PARP1: variants seen among roughly 807,000 people sequenced by gnomAD.
The protein encoded by PARP1 is poly(ADP-ribose) polymerase 1.
Under a neutral mutation model 118.7 loss-of-function variants are expected in PARP1, and 44 were observed. The observed-to-expected ratio is 0.37, with a 90% confidence interval of 0.29 to 0.48. PARP1 has a LOEUF of 0.48. Ranked by LOEUF, PARP1 falls within the 20% of genes least tolerant of loss-of-function variation. PARP1 has a pLI of 0.99. For missense variants in PARP1, 1,100 were observed against 1,272.4 expected (o/e 0.86, Z 2.06); for synonymous variants, 492 against 483.2 (o/e 1.02, Z -0.24).
chr1:226,386,164 ATGG>A (rs1463242339), intron 6 of PARP1, among the ~76,000 whole-genome samples, 159 bp downstream of exon 6: 1 of 152,188 alleles, frequency 6.6e-6, no homozygotes, highest in East Asian at 1.9e-4. Context: ...GGTGACCACG[ATGG>A]TGGTGATGAC....
intron 7 of PARP1, 136 bp downstream of exon 7, chr1:226,385,368 A>G (rs1267233423): frequency 1.3e-6 from 1 of 754,848 alleles, no homozygotes; most frequent in Middle Eastern, 3.6e-4. Context: ...ATATTCTGGT[A>G]AACAGGATGA....
chr1:226,361,314 T>G lies in PARP1; in HGVS notation c.*146A>C. On this transcript the variant is annotated 3_prime_UTR_variant, in exon 23 of 23. Transcript: ENST00000366794. ...GGACTTGAGAAGTTAGAGAAAACCT[T>G]TAACACGTTTCTGTAAAATCCTTTC... 1 of 707,478 alleles carries G rather than the reference T, an allele frequency of 1.4e-6. No homozygotes were observed. Among genetic ancestry groups the G allele is most frequent in the Non-Finnish European group, 2.6e-6 (1 of 379,836 alleles). 43.8% of individuals were successfully genotyped at this position (707,478 alleles called of 1,614,324 possible).
chr1:226,377,185 T>C lies in PARP1; in HGVS notation c.1864A>G (p.Thr622Ala). ...TTTTTGGAGTGCCAAGCGTTCCCGG[T>C]TTTTTCTTCATATAATTTCATGAAG... ...EHFMKLYEEK[T>A]GNAWHSKNFT... The change falls in exon 13 of 23, where the codon ACC becomes GCC. Residue 622 changes from threonine (T) to alanine (A), a missense_variant. Transcript: ENST00000366794. 1.2e-6 allele frequency: 2 copies of C among 1,614,048 alleles called. No individual in the cohort carries two copies. Among genetic ancestry groups the C allele is most frequent in the South Asian group, 2.2e-5 (2 of 91,072 alleles).
chr1:226,386,542 T>C (rs1664721608), intron 5 of PARP1, 100 bp from the exon 6 acceptor site: 3 of 828,198 alleles, frequency 3.6e-6, no homozygotes, highest in Admixed American at 3.4e-5. Flanking sequence ...GTTATACCCT[T>C]GTGCACCAGC....
intron 22 of PARP1, 80 bp downstream of exon 22, chr1:226,361,889 G>A: frequency 1.2e-6 from 1 of 863,724 alleles, no homozygotes; most frequent in African/African-American, 1.6e-5. Flanking sequence ...GTCTGCCCCA[G>A]GTAATCTGAC....
At chr1:226,367,677 G>T in intron 16 of PARP1, 69 bp from the exon 17 acceptor site, 2 of 1,584,902 alleles carry the variant, frequency 1.3e-6, no homozygotes, top group East Asian at 2.2e-5. Context: ...CCAGGTGGCA[G>T]AGAAAACCTA....
intron 13 of PARP1, among the ~76,000 whole-genome samples, chr1:226,376,295 G>A (rs1328090871): frequency 1.3e-5 from 2 of 152,090 alleles, no homozygotes; most frequent in African/African-American, 4.8e-5. Context: ...ATTTTGCAAA[G>A]AAAAAAGACA....
chr1:226,388,392 A>G (rs1664753968), intron 5 of PARP1, among the ~76,000 whole-genome samples: 1 of 152,230 alleles, frequency 6.6e-6, no homozygotes. Flanking sequence ...GAGGCTGGTG[A>G]GCGGAAACAG....
At chr1:226,375,978 G>A (rs1195366007) in intron 13 of PARP1, among the ~76,000 whole-genome samples, 2 of 152,122 alleles carry the variant, frequency 1.3e-5, no homozygotes, top group Non-Finnish European at 2.9e-5. Flanking sequence ...TTGTGCCTTA[G>A]TATTAATATT....
intron 1 of PARP1, 110 bp from the exon 2 acceptor site, chr1:226,402,489 G>A: frequency 9.6e-7 from 1 of 1,037,352 alleles, no homozygotes; most frequent in South Asian, 1.4e-5. Flanking sequence ...CAGTGGGATA[G>A]CACATGAAAC....
In PARP1 at chr1:226,400,916, T is replaced by C. The variant is rs3754371; in HGVS notation, c.286+1298A>G. On this transcript the variant is annotated intron_variant, in intron 2 of 22. Transcript: ENST00000366794. Reference sequence around the variant, plus strand: ...GAGGGCATCCTGCATGACCAAGCCATTGGCTGTTTCTCATGAAGCCATGGC... The same window carrying C: ...GAGGGCATCCTGCATGACCAAGCCACTGGCTGTTTCTCATGAAGCCATGGC... Among the ~76,000 whole-genome samples, 699 of 152,342 alleles carry C rather than the reference T, an allele frequency of 4.6e-3. 27 individuals are homozygous for C. In the South Asian group the frequency reaches 0.085, roughly 18 times the overall value.
intron 2 of PARP1, chr1:226,392,852 T>C: frequency 4.3e-6 from 6 of 1,411,046 alleles, no homozygotes; most frequent in Non-Finnish European, 4.8e-6. Context: ...TGGCTAGCCA[T>C]TTGGGACAAA....
intron 21 of PARP1, chr1:226,362,293 C>A (rs772522007): frequency 1.3e-5 from 7 of 520,380 alleles, no homozygotes; most frequent in Non-Finnish European, 2.4e-5. Flanking sequence ...TCAAGCAATT[C>A]TCGTGCCTCA....
At chr1:226,380,783 A>G (rs1664588681) in intron 9 of PARP1, among the ~76,000 whole-genome samples, 1 of 152,188 alleles carries the variant, frequency 6.6e-6, no homozygotes, top group Non-Finnish European at 1.5e-5. Flanking sequence ...TGTCACTCAA[A>G]AAGTGTTGAA....
intron 22 of PARP1, 31 bp downstream of exon 22, chr1:226,361,938 G>T: frequency 7.7e-7 from 1 of 1,296,582 alleles, no homozygotes; most frequent in Non-Finnish European, 1.1e-6. Context: ...ACATCCCTTT[G>T]TGCTCACACA....
At chr1:226,376,784 T>TC (rs1664495913) in intron 13 of PARP1, among the ~76,000 whole-genome samples, 1 of 152,212 alleles carries the variant, frequency 6.6e-6, no homozygotes, top group Admixed American at 6.5e-5. Flanking sequence ...GGTGTATAGA[T>TC]CCGTCTATGC....
chr1:226,374,405 A>C, intron 13 of PARP1, 51 bp from the exon 14 acceptor site: 1 of 1,612,490 alleles, frequency 6.2e-7, no homozygotes, highest in Non-Finnish European at 8.5e-7. Context: ...AACTCAAGCA[A>C]GGTATCTGCG....
At chr1:226,403,310 C>G (rs931433353) in intron 1 of PARP1, among the ~76,000 whole-genome samples, 4 of 152,224 alleles carry the variant, frequency 2.6e-5, no homozygotes, top group African/African-American at 9.6e-5. Flanking sequence ...TCCTGAGTAG[C>G]TGGGACTACA....
intron 13 of PARP1, 118 bp from the exon 14 acceptor site, chr1:226,374,472 A>AG: frequency 1.7e-6 from 2 of 1,185,218 alleles, no homozygotes; most frequent in Non-Finnish European, 2.5e-6. Flanking sequence ...CAGCAAAAAA[A>AG]GCTGAGTGTT....
Sources: allele counts gnomAD v4.1 joint callset (sites outside exome capture counted in the v4.1 genomes callset), GRCh38; gene constraint gnomAD v4.1.1; transcripts MANE v1.5; gene names NCBI Gene and HGNC (gene_info 2026-07-23, HGNC 2026-07-21).